The following CADPS variants were observed in gnomAD, a reference collection of about 807,000 sequenced individuals.
CADPS encodes the protein calcium-dependent secretion activator 1.
Under a neutral mutation model 167.3 loss-of-function variants are expected in CADPS, and 57 were observed. The ratio of observed to expected loss-of-function variants is 0.34; its 90% CI spans 0.28 to 0.42. CADPS has a LOEUF of 0.42. Ranked by LOEUF, CADPS falls within the 20% of genes least tolerant of loss-of-function variation. The pLI is 1.00. For synonymous variants in CADPS, 676 were observed against 635.3 expected, an observed-to-expected ratio of 1.06 and a Z score of -0.96; for missense variants, 1,414 against 1,738.1, an observed-to-expected ratio of 0.81 and a Z score of 3.32.
intron 3 of CADPS, among the ~76,000 whole-genome samples, chr3:62,748,223 G>A (rs1345013886): frequency 6.8e-6 from 1 of 147,362 alleles, no homozygotes; most frequent in Non-Finnish European, 1.5e-5. Context: ...GCAGGCACCT[G>A]TAGTCCCAGC....
At chr3:62,659,317 G>T (rs539623230) in intron 4 of CADPS, among the ~76,000 whole-genome samples, 1 of 152,116 alleles carries the variant, frequency 6.6e-6, no homozygotes, top group Non-Finnish European at 1.5e-5. Flanking sequence ...GCCAATATCC[G>T]AGATCTTGAT....
intron 28 of CADPS, chr3:62,404,871 T>C (rs1707835252): frequency 6.6e-6 from 1 of 151,710 alleles, no homozygotes; most frequent in African/African-American, 2.4e-5. Context: ...TGGACAGGTT[T>C]TCCCCTCTAG....
chr3:62,764,143 G>A (rs923883762), intron 2 of CADPS, among the ~76,000 whole-genome samples: 2 of 152,168 alleles, frequency 1.3e-5, no homozygotes, highest in African/African-American at 4.8e-5. Context: ...ATGGATAGGG[G>A]TCTGCTTGGC....
chr3:62,413,285 A>T lies in CADPS; in HGVS notation c.3778-10100T>A, dbSNP rs577902454. ...TGGAACTTTTGAGTATAGATGCAAA[A>T]ACATTGAAAGTAGGATCTAGAAGAG... On this transcript the variant is annotated intron_variant, in intron 28 of 29. Coordinates refer to ENST00000383710, the MANE Select transcript of CADPS (RefSeq NM_003716.4). Among the ~76,000 whole-genome samples, 8 of 152,280 alleles carry T rather than the reference A, an allele frequency of 5.3e-5. No homozygotes were observed. The East Asian group carries it at 9.7e-4, about 18-fold the overall frequency.
intron 27 of CADPS, among the ~76,000 whole-genome samples, chr3:62,441,692 TAGAAATGAGTTG>T (rs1417731377): frequency 6.6e-6 from 1 of 152,156 alleles, no homozygotes; most frequent in Non-Finnish European, 1.5e-5. Context: ...GCTTCAGAGA[TAGAAATGAGTTG>T]AGAAATGATT....
chr3:62,724,120 A>G (rs944010964), intron 3 of CADPS, among the ~76,000 whole-genome samples: 6 of 152,212 alleles, frequency 3.9e-5, no homozygotes, highest in African/African-American at 1.4e-4. Flanking sequence ...CCTCCAAAAC[A>G]GGTGCAAAAT....
chr3:62,564,964 A>C (rs924566339), intron 9 of CADPS, among the ~76,000 whole-genome samples: 4 of 152,284 alleles, frequency 2.6e-5, no homozygotes, highest in African/African-American at 9.6e-5. Context: ...TGAAAGCGTT[A>C]AGACTTTCTA....
intron 3 of CADPS, among the ~76,000 whole-genome samples, chr3:62,697,754 C>T (rs1444370151): frequency 6.6e-6 from 1 of 152,092 alleles, no homozygotes; most frequent in African/African-American, 2.4e-5. Context: ...TTCACCACAT[C>T]CATGCCAACA....
At chr3:62,872,203 A>G (rs185256398) in intron 1 of CADPS, among the ~76,000 whole-genome samples, 1 of 152,272 alleles carries the variant, frequency 6.6e-6, no homozygotes, top group East Asian at 1.9e-4. Flanking sequence ...CTCCAAGACT[A>G]ACTTTAGCTC....
At chr3:62,658,278 T>C (rs2072234410) in intron 4 of CADPS, among the ~76,000 whole-genome samples, 1 of 152,162 alleles carries the variant, frequency 6.6e-6, no homozygotes, top group Admixed American at 6.5e-5. Context: ...TGAGATTTTA[T>C]GTGAATTGCA....
chr3:62,806,185 T>C (rs1382238287), intron 1 of CADPS, among the ~76,000 whole-genome samples: 3 of 151,904 alleles, frequency 2.0e-5, no homozygotes, highest in African/African-American at 7.3e-5. Flanking sequence ...CCTGGGAAAA[T>C]TTTCAAACTA....
chr3:62,532,052 G>T (rs2073809474), intron 13 of CADPS, among the ~76,000 whole-genome samples: 1 of 152,280 alleles, frequency 6.6e-6, no homozygotes, highest in African/African-American at 2.4e-5. Context: ...AATTAAAAGT[G>T]TTATCATCAT....
At chr3:62,413,143 G>C (rs908540763) in intron 28 of CADPS, among the ~76,000 whole-genome samples, 24 of 152,154 alleles carry the variant, frequency 1.6e-4, no homozygotes, top group South Asian at 2.1e-4. Context: ...GCACAAGATG[G>C]GAAAGCAGAG....
At chr3:62,556,633 AC>A (rs1310699198) in intron 10 of CADPS, among the ~76,000 whole-genome samples, 1 of 150,538 alleles carries the variant, frequency 6.6e-6, no homozygotes, top group South Asian at 2.1e-4. Flanking sequence ...ATGATTTCGC[AC>A]CCCCCTCCCA....
chr3:62,406,440 A>T (rs1235059681), intron 28 of CADPS, among the ~76,000 whole-genome samples: 1 of 152,186 alleles, frequency 6.6e-6, no homozygotes, highest in African/African-American at 2.4e-5. Context: ...AAATATTTTA[A>T]GTGCTCCCTA....
At chr3:62,626,953 A>C (rs1347879410) in intron 6 of CADPS, among the ~76,000 whole-genome samples, 2 of 152,176 alleles carry the variant, frequency 1.3e-5, no homozygotes, top group Non-Finnish European at 2.9e-5. Context: ...TATGTGTCAG[A>C]TTTGAAAAAG....
chr3:62,874,616 G>A lies in CADPS; in HGVS notation c.414C>T (p.Pro138=). Residue 138 remains proline, a synonymous_variant, in exon 1 of 30, where the codon CCC becomes CCT. Transcript: ENST00000383710. The surrounding 1 kb of genome is among the most constrained non-coding windows in gnomAD (Gnocchi z 7.1). Reference sequence around the variant, plus strand: ...TCTGCTGCCGGCGAGCCATGTCGGTGGGCTGCTTGGCATTAAAGGGGTAGG... The same window carrying A: ...TCTGCTGCCGGCGAGCCATGTCGGTAGGCTGCTTGGCATTAAAGGGGTAGG... ...CIAYPFNAKQ[P]TDMARRQQKI... is the part of the protein sequence containing the mutation. The A allele has an allele frequency of 1.5e-5, 23 of 1,559,064 alleles. No homozygotes were observed. Among genetic ancestry groups the A allele is most frequent in the Non-Finnish European group, 2.0e-5 (23 of 1,150,758 alleles).
chr3:62,472,212 G>A (rs1377164311), intron 24 of CADPS, among the ~76,000 whole-genome samples: 1 of 151,294 alleles, frequency 6.6e-6, no homozygotes, highest in African/African-American at 2.4e-5. Context: ...AGGGAGGGGT[G>A]TGAGAATTAA....
chr3:62,588,307 T>C lies in CADPS; in HGVS notation c.1438-2983A>G, dbSNP rs1200321987. On this transcript the variant is annotated intron_variant, in intron 7 of 29. Coordinates refer to ENST00000383710, the MANE Select transcript of CADPS (RefSeq NM_003716.4). ...CATTTCCAGGTCTTTCTTTTTTTTT[T>C]TTTTTTCCTAGCAGAACACTTCCCA... Among the ~76,000 whole-genome samples, 4 of 151,810 alleles carry C rather than the reference T, an allele frequency of 2.6e-5. No individual in the cohort carries two copies. The East Asian group carries it at 7.8e-4, about 29-fold the overall frequency.
Sources: gnomAD v4.1 joint callset for allele counts (sites outside exome capture counted in the v4.1 genomes callset) on GRCh38, gnomAD v4.1.1 for gene constraint, Gnocchi (gnomAD v3.1) non-coding constraint, MANE v1.5 for transcripts, NCBI Gene and HGNC (gene_info 2026-07-23, HGNC 2026-07-21) for gene names.